Variants in PDE1C observed in about 807,000 individuals in gnomAD.
PDE1C encodes the protein dual specificity calcium/calmodulin-dependent 3',5'-cyclic nucleotide phosphodiesterase 1C.
Under a neutral mutation model 93.1 loss-of-function variants are expected in PDE1C, and 62 were observed. The observed-to-expected ratio is 0.67, with a 90% CI of 0.54 to 0.82. PDE1C has a LOEUF of 0.82. PDE1C is among the 40% of genes least tolerant of loss of function. The pLI is 0.00. For synonymous variants in PDE1C, 325 were observed against 310.1 expected (o/e 1.05, Z -0.50); for missense variants, 742 against 884.6 (o/e 0.84, Z 2.04).
At chr7:31,655,235 C>T in the PDE1C span, among the ~76,000 whole-genome samples, 1 of 152,198 alleles carries the variant, frequency 6.6e-6, no homozygotes, top group African/African-American at 2.4e-5. Context: ...AGTGGCACAG[C>T]CTTTCTCCTT....
At chr7:32,309,059 C>A (rs1437281814) in intron 1 of PDE1C, among the ~76,000 whole-genome samples, 1 of 151,882 alleles carries the variant, frequency 6.6e-6, no homozygotes, top group African/African-American at 2.4e-5. Context: ...CTTAAAGGAG[C>A]TGATGGAGCT....
intron 2 of PDE1C, among the ~76,000 whole-genome samples, chr7:32,182,134 G>A (rs1172462944): frequency 6.6e-6 from 1 of 152,092 alleles, no homozygotes; most frequent in Non-Finnish European, 1.5e-5. Flanking sequence ...CCAATAACAG[G>A]CTCTGAAGTT....
intron 1 of PDE1C, among the ~76,000 whole-genome samples, chr7:32,338,094 C>T (rs1783666528): frequency 6.6e-6 from 1 of 151,876 alleles, no homozygotes; most frequent in South Asian, 2.1e-4. Flanking sequence ...AAAGCACAGG[C>T]AACAAAAGAA....
Position 32,292,206 on chromosome 7 carries a change from T to A in PDE1C, c.85+6445A>T, listed in dbSNP as rs148762690. On this transcript the variant is annotated intron_variant, in intron 1 of 18. Coordinates refer to the PDE1C transcript ENST00000396193. The stretch of plus-strand genomic sequence containing the variant: ...AAATAATTTTTAAAAATTTAAAATA[T>A]ATTTTAGGACTACATTGAAATGAAG... 1.0e-3 allele frequency among the ~76,000 whole-genome samples: 158 copies of A among 152,260 alleles called. 1 individual carries two copies. Among genetic ancestry groups the A allele is most frequent in the African/African-American group, 3.5e-3 (147 of 41,572 alleles).
chr7:32,225,389 C>T (rs1434626988), intron 1 of PDE1C, among the ~76,000 whole-genome samples: 2 of 152,132 alleles, frequency 1.3e-5, no homozygotes, highest in African/African-American at 4.8e-5. Flanking sequence ...CATACACACA[C>T]ACTCACAGCC....
At chr7:32,011,235 C>T (rs146261642) in intron 2 of PDE1C, among the ~76,000 whole-genome samples, 4,534 of 151,718 alleles carry the variant, frequency 0.03, 214 homozygotes, top group African/African-American at 0.1. Context: ...CTCTGTTGCC[C>T]AGGCTGGAGT....
chr7:32,292,015 T>C (rs915501664), intron 1 of PDE1C, among the ~76,000 whole-genome samples: 2 of 152,200 alleles, frequency 1.3e-5, no homozygotes, highest in Non-Finnish European at 2.9e-5. Context: ...CTACAATGTC[T>C]ACTTCAGTGT....
chr7:32,335,819 C>A (rs940390589), intron 1 of PDE1C, among the ~76,000 whole-genome samples: 2 of 152,090 alleles, frequency 1.3e-5, no homozygotes, highest in Admixed American at 6.5e-5. Context: ...GCCTCAACCT[C>A]CTAGCCACAA....
intron 2 of PDE1C, among the ~76,000 whole-genome samples, chr7:32,042,350 G>A (rs1791939191): frequency 6.6e-6 from 1 of 152,036 alleles, no homozygotes; most frequent in Non-Finnish European, 1.5e-5. Context: ...AAGCCAAAGG[G>A]ATAGAAAGAA....
the PDE1C span, among the ~76,000 whole-genome samples, chr7:31,645,332 G>C: frequency 6.6e-6 from 1 of 152,120 alleles, no homozygotes; most frequent in Non-Finnish European, 1.5e-5. Flanking sequence ...GTGATTACAG[G>C]AAAGTTTAAA....
Position 32,047,354 on chromosome 7 carries a change from T to C in PDE1C, c.128+4200A>G, listed in dbSNP as rs143440766. Among the ~76,000 whole-genome samples the C allele has an allele frequency of 6.0e-4, 92 of 152,258 alleles. 2 individuals are homozygous for C. The East Asian group carries it at 0.016, about 27-fold the overall frequency. On this transcript the variant is annotated intron_variant, in intron 2 of 17. Transcript: ENST00000396191. ...CACTTCTGCAAATCTCTTGGAATGA[T>C]TGACCCTCATGAACAAGATTCATTC...
chr7:32,372,042 T>C (rs962272042), intron 1 of PDE1C, among the ~76,000 whole-genome samples: 27 of 142,702 alleles, frequency 1.9e-4, no homozygotes, highest in Non-Finnish European at 3.4e-4. Flanking sequence ...CAAACATCTA[T>C]GGTCAATTGA....
chr7:31,899,834 G>A (rs1176044656), intron 2 of PDE1C, among the ~76,000 whole-genome samples: 1 of 152,184 alleles, frequency 6.6e-6, no homozygotes, highest in Admixed American at 6.5e-5. Context: ...TGGTAAGGGA[G>A]TGATTCTCAA....
chr7:31,684,004 TG>T, the PDE1C span, among the ~76,000 whole-genome samples: 1 of 152,188 alleles, frequency 6.6e-6, no homozygotes, highest in African/African-American at 2.4e-5. Flanking sequence ...GCACTTATGC[TG>T]GGAGCGCTGT....
chr7:32,260,191 G>C (rs1356314080), intron 1 of PDE1C, among the ~76,000 whole-genome samples: 4 of 152,216 alleles, frequency 2.6e-5, no homozygotes, highest in African/African-American at 9.6e-5. Flanking sequence ...GAGAGTTAAA[G>C]TCACAGAGGG....
At position 32,387,415 on chromosome 7, in the gene PDE1C, C is replaced by T. The variant is rs1432055439; in HGVS notation, c.310+40407G>A. Among the ~76,000 whole-genome samples the T allele has an allele frequency of 3.3e-5, 5 of 151,694 alleles. No individual in the cohort carries two copies. The South Asian group carries it at 8.3e-4, about 25-fold the overall frequency. Reference sequence around the variant, plus strand: ...CACACCTCCCAGACGGGGTCCTGGCCGGGCAGAGGGGCTCCTCACTTCCCA... The same window carrying T: ...CACACCTCCCAGACGGGGTCCTGGCTGGGCAGAGGGGCTCCTCACTTCCCA... On this transcript the variant is annotated intron_variant, in intron 1 of 1. Coordinates refer to the PDE1C transcript ENST00000672256.
chr7:32,276,206 T>C (rs1811275244), intron 1 of PDE1C, among the ~76,000 whole-genome samples: 1 of 152,162 alleles, frequency 6.6e-6, no homozygotes, highest in African/African-American at 2.4e-5. Flanking sequence ...ACTATAACTC[T>C]AAGAAATAGG....
At chr7:31,945,242 T>C (rs964782456) in intron 2 of PDE1C, among the ~76,000 whole-genome samples, 1 of 152,182 alleles carries the variant, frequency 6.6e-6, no homozygotes, top group Non-Finnish European at 1.5e-5. Flanking sequence ...AACATTGATA[T>C]CATTATTGCT....
At chr7:31,665,195 C>T in the PDE1C span, among the ~76,000 whole-genome samples, 1 of 152,166 alleles carries the variant, frequency 6.6e-6, no homozygotes, top group Non-Finnish European at 1.5e-5. Flanking sequence ...TGCTTTTCTA[C>T]TTTTCCCAGA....
Sources: gnomAD v4.1 joint callset for allele counts (sites outside exome capture counted in the v4.1 genomes callset) on GRCh38, gnomAD v4.1.1 for gene constraint, MANE v1.5 for transcripts, NCBI Gene and HGNC (gene_info 2026-07-23, HGNC 2026-07-21) for gene names.